IGSF5: variants seen among roughly 807,000 people sequenced by gnomAD.
The protein encoded by IGSF5 is immunoglobulin superfamily 5 like.
In IGSF5, 41 loss-of-function variants were observed where a neutral mutation model predicts 39.4. The ratio of observed to expected loss-of-function variants is 1.04; its 90% confidence interval spans 0.81 to 1.35. IGSF5 has a LOEUF of 1.35. IGSF5 is among the 40% of genes most tolerant of loss of function. The pLI is 0.00. For missense variants in IGSF5, 487 were observed against 494.6 expected, an observed-to-expected ratio of 0.98 and a Z score of 0.15; for synonymous variants, 183 against 175.3, an observed-to-expected ratio of 1.04 and a Z score of -0.34.
intron 2 of IGSF5, among the ~76,000 whole-genome samples, chr21:39,761,204 T>C: frequency 6.6e-6 from 1 of 152,196 alleles, no homozygotes. Flanking sequence ...GCTAGCCAAA[T>C]GCAGAAGAAT....
At chr21:39,790,207 T>C (rs73219407) in intron 6 of IGSF5, among the ~76,000 whole-genome samples, 13,316 of 152,280 alleles carry the variant, frequency 0.087, 622 homozygotes, top group South Asian at 0.16. Context: ...TATGTCTGCC[T>C]TCTTGAGCCT....
At chr21:39,735,689 A>C in the IGSF5 span, among the ~76,000 whole-genome samples, 41 of 152,246 alleles carry the variant, frequency 2.7e-4, no homozygotes, top group Non-Finnish European at 5.4e-4. Context: ...AAGAGATTCA[A>C]TGGAGAACTC....
intron 6 of IGSF5, among the ~76,000 whole-genome samples, chr21:39,789,522 C>T (rs1409538215): frequency 6.6e-6 from 1 of 152,138 alleles, no homozygotes; most frequent in Non-Finnish European, 1.5e-5. Flanking sequence ...AATCCAACCC[C>T]ACTTGCTTTC....
At chr21:39,798,219 T>A (rs1431839764) in intron 8 of IGSF5, among the ~76,000 whole-genome samples, 5 of 152,150 alleles carry the variant, frequency 3.3e-5, no homozygotes, top group Admixed American at 6.5e-5. Context: ...AAGAGGGGAA[T>A]CAGGAGTTTT....
chr21:39,745,489 C>T lies in IGSF5; in HGVS notation c.-21C>T, dbSNP rs372778241. ...TTTGGGGCTATACTTTCAAGAAAGT[C>T]GTGTTCGGGACCCAGGAGGTATGGG... On this transcript the variant is annotated 5_prime_UTR_variant, in exon 1 of 9. Transcript: ENST00000380588. 8.4e-6 allele frequency: 6 copies of T among 715,478 alleles called. No individual in the cohort carries two copies. The highest frequency in any genetic ancestry group is 3.5e-5 in the African/African-American group (2 of 57,190). 44.3% of individuals were successfully genotyped at this position (715,478 alleles called of 1,614,324 possible).
intron 1 of IGSF5, 28 bp downstream of exon 1, chr21:39,745,554 G>A (rs368243309): frequency 1.4e-6 from 1 of 716,554 alleles, no homozygotes; most frequent in African/African-American, 1.7e-5. Context: ...GGCGACTGTT[G>A]AGTAGAGACT....
intron 2 of IGSF5, among the ~76,000 whole-genome samples, chr21:39,757,421 G>A (rs1206723971): frequency 6.6e-6 from 1 of 151,992 alleles, no homozygotes; most frequent in Non-Finnish European, 1.5e-5. Context: ...TCATGATGCA[G>A]GTGGGCTGGC....
upstream of IGSF5, among the ~76,000 whole-genome samples, chr21:39,744,379 T>A (rs1406366868): frequency 6.9e-6 from 1 of 143,922 alleles, no homozygotes; most frequent in South Asian, 2.2e-4. Flanking sequence ...TGAGTCAGGA[T>A]TGAGATAGTC....
the IGSF5 span, among the ~76,000 whole-genome samples, chr21:39,733,369 A>C: frequency 1.3e-5 from 2 of 152,178 alleles, no homozygotes; most frequent in Non-Finnish European, 2.9e-5. Flanking sequence ...AATTATATAT[A>C]CAAATTATAT....
intron 2 of IGSF5, among the ~76,000 whole-genome samples, chr21:39,748,013 A>G (rs978230084): frequency 6.6e-6 from 1 of 151,868 alleles, no homozygotes; most frequent in Non-Finnish European, 1.5e-5. Flanking sequence ...AATGTTCATA[A>G]TTTAGAATTG....
At chr21:39,729,235 C>G in the IGSF5 span, 1 of 152,266 alleles carries the variant, frequency 6.6e-6, no homozygotes, top group Non-Finnish European at 1.5e-5. Flanking sequence ...CTTAACGCCA[C>G]TTCCACTCTC....
At chr21:39,730,251 G>T in the IGSF5 span, 1 of 152,116 alleles carries the variant, frequency 6.6e-6, no homozygotes, top group Non-Finnish European at 1.5e-5. Context: ...ATTGCCTTTT[G>T]TCTCTGTGCC....
chr21:39,731,985 G>C, the IGSF5 span, among the ~76,000 whole-genome samples: 1 of 152,238 alleles, frequency 6.6e-6, no homozygotes, highest in African/African-American at 2.4e-5. Flanking sequence ...ATTTGCTCCC[G>C]GAATCCAGCA....
At chr21:39,748,877 A>C (rs2079989368) in intron 2 of IGSF5, among the ~76,000 whole-genome samples, 1 of 152,214 alleles carries the variant, frequency 6.6e-6, no homozygotes, top group Admixed American at 6.5e-5. Flanking sequence ...TGTGACGTGC[A>C]GCTGAAGTCA....
chr21:39,712,328 G>A, the IGSF5 span, among the ~76,000 whole-genome samples: 8 of 152,242 alleles, frequency 5.3e-5, no homozygotes, highest in East Asian at 1.9e-4. Flanking sequence ...GCTGTGAAGC[G>A]GGTCCCTGGG....
intron 4 of IGSF5, 53 bp downstream of exon 4, chr21:39,771,268 A>G (rs180987278): frequency 2.4e-5 from 34 of 1,438,730 alleles, no homozygotes; most frequent in African/African-American, 1.4e-4. Context: ...TCATGCTTCA[A>G]TATTACGTAG....
At chr21:39,778,965 C>A in intron 4 of IGSF5, 125 bp from the exon 5 acceptor site, 1 of 1,121,912 alleles carries the variant, frequency 8.9e-7, no homozygotes, top group Non-Finnish European at 1.3e-6. Flanking sequence ...TGGCCTATGA[C>A]GCCTAGCCAT....
At chr21:39,797,533 T>C (rs1055481541) in intron 8 of IGSF5, among the ~76,000 whole-genome samples, 1 of 152,138 alleles carries the variant, frequency 6.6e-6, no homozygotes, top group African/African-American at 2.4e-5. Context: ...AAAATTTTTT[T>C]TGAGACATGG....
At chr21:39,792,416 T>G (rs998657802) in intron 7 of IGSF5, among the ~76,000 whole-genome samples, 1 of 152,062 alleles carries the variant, frequency 6.6e-6, no homozygotes, top group African/African-American at 2.4e-5. Context: ...CATTAGGAGA[T>G]ATACCTAATG....
Sources: allele counts gnomAD v4.1 joint callset (sites outside exome capture counted in the v4.1 genomes callset), GRCh38; gene constraint gnomAD v4.1.1; transcripts MANE v1.5; gene names NCBI Gene and HGNC (gene_info 2026-07-23, HGNC 2026-07-21).